The following TFB1M variants were observed in gnomAD, a reference collection of about 807,000 sequenced individuals.
TFB1M encodes transcription factor B1, mitochondrial.
A neutral mutation model predicts 31.1 loss-of-function variants in TFB1M; 27 were observed. The observed-to-expected ratio is 0.87, with a 90% CI of 0.64 to 1.20. The LOEUF is 1.20. Ranked by LOEUF, TFB1M falls within the 50% of genes most tolerant of loss-of-function variation. The pLI is 0.00. For synonymous variants in TFB1M, 166 were observed against 151.8 expected (o/e 1.09, Z -0.69); for missense variants, 394 against 418.7 (o/e 0.94, Z 0.51).
At chr6:155,244,520 T>TGTC in the TFB1M span, 3 of 1,027,920 alleles carry the variant, frequency 2.9e-6, no homozygotes, top group Non-Finnish European at 4.3e-6. Flanking sequence ...ATGAATGTGC[T>TGTC]GTCTTCTTAA....
At chr6:155,307,314 C>T (rs1777824740) in intron 2 of TFB1M, among the ~76,000 whole-genome samples, 1 of 152,102 alleles carries the variant, frequency 6.6e-6, no homozygotes, top group Non-Finnish European at 1.5e-5. Flanking sequence ...CGAGACTGGG[C>T]AATTTACAAA....
At chr6:155,238,622 C>T in the TFB1M span, among the ~76,000 whole-genome samples, 1 of 152,244 alleles carries the variant, frequency 6.6e-6, no homozygotes, top group Non-Finnish European at 1.5e-5. Context: ...TCTGGTTCTC[C>T]CTTGGAGCAG....
chr6:155,309,219 A>G (rs773140417), intron 2 of TFB1M, among the ~76,000 whole-genome samples: 1 of 152,228 alleles, frequency 6.6e-6, no homozygotes, highest in Non-Finnish European at 1.5e-5. Flanking sequence ...GTATATATAT[A>G]CACAGATGCA....
At chr6:155,253,260 A>C, downstream of TFB1M, 1 of 499,464 alleles carries the variant, frequency 2.0e-6, no homozygotes, top group South Asian at 3.7e-5. Context: ...TCTTTGCCAA[A>C]TGCCTTTCAT....
chr6:155,276,550 A>G (rs1396872953), intron 5 of TFB1M: 1 of 595,558 alleles, frequency 1.7e-6, no homozygotes, highest in Admixed American at 3.4e-5. Flanking sequence ...ATACAATTAC[A>G]TCTGTCTGAA....
At chr6:155,269,304 GTTTTC>G (rs200492642) in intron 5 of TFB1M, among the ~76,000 whole-genome samples, 1,666 of 130,132 alleles carry the variant, frequency 0.013, 15 homozygotes, top group African/African-American at 0.027. Flanking sequence ...CTGTAGCTTA[GTTTTC>G]TTTTCTTTTC....
At chr6:155,302,627 G>A (rs1777480053) in intron 2 of TFB1M, among the ~76,000 whole-genome samples, 1 of 151,984 alleles carries the variant, frequency 6.6e-6, no homozygotes, top group African/African-American at 2.4e-5. Context: ...AAAACAAACA[G>A]AAATCACATA....
At chr6:155,265,103 G>A (rs1012080853) in intron 5 of TFB1M, among the ~76,000 whole-genome samples, 1 of 152,200 alleles carries the variant, frequency 6.6e-6, no homozygotes, top group African/African-American at 2.4e-5. Flanking sequence ...GCATCTGGAC[G>A]TGCCCTGTGT....
At chr6:155,299,451 G>A (rs933574771) in intron 2 of TFB1M, 19 of 152,106 alleles carry the variant, frequency 1.2e-4, no homozygotes, top group Admixed American at 1.1e-3. Flanking sequence ...ACACAAAACT[G>A]ATTCTTGAAG....
At chr6:155,287,407 A>G (rs539395895) in intron 4 of TFB1M, among the ~76,000 whole-genome samples, 191 of 152,328 alleles carry the variant, frequency 1.3e-3, no homozygotes, top group African/African-American at 3.9e-3. Context: ...ATGTGAACGA[A>G]AAAATAAACT....
rs1396202662 is a variant in TFB1M, at chr6:155,256,707, G to C, written c.*1129C>G. 6.2e-7 allele frequency: 1 copy of C among 1,614,108 alleles called. No individual in the cohort carries two copies. The highest frequency in any genetic ancestry group is 8.5e-7 in the Non-Finnish European group (1 of 1,180,054). ...ATTTTGCCGACAATCTCATCAAAGA[G>C]AGTGACATCCTGAGCGATGAAGATG... On this transcript the variant is annotated 3_prime_UTR_variant, in exon 7 of 7. Coordinates refer to ENST00000367166, the MANE Select transcript of TFB1M (RefSeq NM_016020.4).
chr6:155,310,088 A>C (rs905622145), intron 2 of TFB1M, among the ~76,000 whole-genome samples: 1 of 152,230 alleles, frequency 6.6e-6, no homozygotes, highest in Admixed American at 6.5e-5. Flanking sequence ...TTTCAAAAAC[A>C]ACTTCTCAAA....
chr6:155,242,216 C>A, the TFB1M span, among the ~76,000 whole-genome samples: 1 of 152,226 alleles, frequency 6.6e-6, no homozygotes, highest in Admixed American at 6.5e-5. Context: ...GCAGCACCAG[C>A]CTGTGAGGCA....
At chr6:155,275,121 G>T (rs1488962074) in intron 5 of TFB1M, among the ~76,000 whole-genome samples, 1 of 152,032 alleles carries the variant, frequency 6.6e-6, no homozygotes, top group East Asian at 1.9e-4. Flanking sequence ...AGCTACTCGG[G>T]AGGCTGAGGC....
At chr6:155,276,425 G>T (rs898772969) in intron 5 of TFB1M, 2 of 1,514,880 alleles carry the variant, frequency 1.3e-6, no homozygotes, top group Admixed American at 2.0e-5. Context: ...GTGCCAAATG[G>T]GACTTTTAGA....
the TFB1M span, chr6:155,249,958 A>G: frequency 6.2e-7 from 1 of 1,613,080 alleles, no homozygotes; most frequent in East Asian, 2.2e-5. Context: ...GCAGAGCGGA[A>G]CAGAGAAGGA....
the TFB1M span, among the ~76,000 whole-genome samples, chr6:155,241,463 C>CT: frequency 6.6e-6 from 1 of 151,830 alleles, no homozygotes; most frequent in African/African-American, 2.4e-5. Flanking sequence ...GTGGATGGCC[C>CT]CCTTCAACTC....
At chr6:155,275,252 T>A (rs1425650245) in intron 5 of TFB1M, among the ~76,000 whole-genome samples, 2 of 152,048 alleles carry the variant, frequency 1.3e-5, no homozygotes, top group Non-Finnish European at 2.9e-5. Context: ...AAAAATAAAA[T>A]CATTTGAAAA....
At chr6:155,252,700 T>C (rs3011897), downstream of TFB1M, among the ~76,000 whole-genome samples, 70,663 of 152,036 alleles carry the variant, frequency 0.46, 16,971 homozygotes, top group Middle Eastern at 0.55. Context: ...GCGTGGAAGC[T>C]TTGGCTGCTG....
Sources: gnomAD v4.1 joint callset for allele counts (sites outside exome capture counted in the v4.1 genomes callset) on GRCh38, gnomAD v4.1.1 for gene constraint, MANE v1.5 for transcripts, NCBI Gene and HGNC (gene_info 2026-07-23, HGNC 2026-07-21) for gene names.